IGSF10: variants seen among roughly 807,000 people sequenced by gnomAD.
The protein encoded by IGSF10 is immunoglobulin superfamily member 10.
IGSF10 carries 126 observed loss-of-function variants against 128.2 expected under a neutral mutation model. The observed-to-expected ratio is 0.98, with a 90% CI of 0.85 to 1.14. IGSF10 has a LOEUF of 1.14. IGSF10 is among the 50% of genes most tolerant of loss of function. The pLI is 0.00. For synonymous variants in IGSF10, 1,185 were observed against 1,146.2 expected, an observed-to-expected ratio of 1.03 and a Z score of -0.68; for missense variants, 3,295 against 3,149.8, an observed-to-expected ratio of 1.05 and a Z score of -1.10.
the IGSF10 span, among the ~76,000 whole-genome samples, chr3:151,609,433 T>A: frequency 6.6e-6 from 1 of 152,190 alleles, no homozygotes; most frequent in Admixed American, 6.5e-5. Flanking sequence ...GATGGTTCCC[T>A]TTGTAAGTGA....
the IGSF10 span, among the ~76,000 whole-genome samples, chr3:151,618,246 G>A: frequency 6.6e-6 from 1 of 152,026 alleles, no homozygotes. Context: ...TAACTGAAGC[G>A]CTGGCACCTT....
chr3:151,514,859 G>A, the IGSF10 span, among the ~76,000 whole-genome samples: 6 of 152,050 alleles, frequency 3.9e-5, no homozygotes, highest in East Asian at 1.9e-4. Context: ...CAAAAAACAC[G>A]TGAAAAAATG....
the IGSF10 span, among the ~76,000 whole-genome samples, chr3:151,538,491 G>C: frequency 6.6e-6 from 1 of 152,066 alleles, no homozygotes; most frequent in Non-Finnish European, 1.5e-5. Context: ...TAGAAGAAAC[G>C]TAAGACCACA....
chr3:151,606,484 A>G, the IGSF10 span, among the ~76,000 whole-genome samples: 5 of 152,212 alleles, frequency 3.3e-5, no homozygotes, highest in Non-Finnish European at 7.3e-5. Context: ...GCCTGTACCC[A>G]TATTTCTACA....
intron 5 of IGSF10, among the ~76,000 whole-genome samples, chr3:151,452,204 T>C (rs1400349995): frequency 6.6e-6 from 1 of 152,216 alleles, no homozygotes; most frequent in South Asian, 2.1e-4. Flanking sequence ...ATTTTACACA[T>C]ATAGAGTTAT....
At chr3:151,602,088 G>A in the IGSF10 span, among the ~76,000 whole-genome samples, 1 of 152,060 alleles carries the variant, frequency 6.6e-6, no homozygotes, top group South Asian at 2.1e-4. Flanking sequence ...AACAAAGCTG[G>A]AAGCAGCCTA....
At chr3:151,518,555 T>A in the IGSF10 span, among the ~76,000 whole-genome samples, 1 of 151,960 alleles carries the variant, frequency 6.6e-6, no homozygotes, top group Non-Finnish European at 1.5e-5. Context: ...ATTGCTTTAA[T>A]GCAGTAATGC....
the IGSF10 span, among the ~76,000 whole-genome samples, chr3:151,600,677 G>A: frequency 6.6e-6 from 1 of 151,998 alleles, no homozygotes; most frequent in South Asian, 2.1e-4. Flanking sequence ...AAATATTGTC[G>A]AATTGACCTC....
chr3:151,442,279 G>C (rs1428618118), intron 7 of IGSF10, among the ~76,000 whole-genome samples: 1 of 151,708 alleles, frequency 6.6e-6, no homozygotes, highest in Non-Finnish European at 1.5e-5. Flanking sequence ...ACTCAGACGA[G>C]TAAAATAACG....
the IGSF10 span, among the ~76,000 whole-genome samples, chr3:151,506,299 A>AC: frequency 4.6e-5 from 7 of 152,124 alleles, no homozygotes; most frequent in Non-Finnish European, 1.0e-4. Context: ...ATCCAGGCAT[A>AC]CAATGCTTTC....
the IGSF10 span, among the ~76,000 whole-genome samples, chr3:151,561,514 T>G: frequency 6.6e-6 from 1 of 152,188 alleles, no homozygotes. Flanking sequence ...TGCTGGTGAC[T>G]CTTTTGTAAA....
Position 151,445,919 on chromosome 3 carries a change from GTTC to G in IGSF10, c.4059_4061del (p.Lys1353del), listed in dbSNP as rs774862582. 9.3e-6 allele frequency: 15 copies of G among 1,614,154 alleles called. No individual in the cohort carries two copies. The highest frequency in any genetic ancestry group is 6.7e-5 in the East Asian group (3 of 44,880). The stretch of plus-strand genomic sequence containing the variant: ...CTGGAGAGATGTTTGGGTCAGTCCT[GTTC>G]TTCTTTTGAGGCTCCTGTTCTCTTT... On this transcript the variant is annotated inframe_deletion, in exon 6 of 8. Transcript: ENST00000282466.
At chr3:151,607,915 A>G in the IGSF10 span, among the ~76,000 whole-genome samples, 2 of 138,242 alleles carry the variant, frequency 1.4e-5, no homozygotes, top group South Asian at 4.6e-4. Flanking sequence ...CATCTCGGAA[A>G]AAAAAAAAAA....
At chr3:151,452,309 T>C (rs539405641) in intron 5 of IGSF10, among the ~76,000 whole-genome samples, 1 of 152,232 alleles carries the variant, frequency 6.6e-6, no homozygotes, top group South Asian at 2.1e-4. Flanking sequence ...CTAGATAGTA[T>C]AGCCTACTAC....
At chr3:151,594,703 T>G in the IGSF10 span, among the ~76,000 whole-genome samples, 1 of 151,664 alleles carries the variant, frequency 6.6e-6, no homozygotes, top group Non-Finnish European at 1.5e-5. Context: ...ATTTGAGTTT[T>G]AGTAGCATAG....
rs757214394 is a variant in IGSF10 at position 151,448,618 on chromosome 3, C to G, written c.1363G>C (p.Asp455His). Residue 455 changes from aspartate to histidine, a missense_variant, in exon 6 of 8, where the codon GAT (aspartate) becomes CAT (histidine). Physicochemically the swap from Asp to His is moderately conservative, Grantham distance 81 (BLOSUM62 -1). Coordinates refer to ENST00000282466, the MANE Select transcript of IGSF10 (RefSeq NM_178822.5). ...GCTCTTGGTAAAGTGATTTGAGCAT[C>G]ACTGGAGTACTGGATCTGTAATGTA... ...FSTLQIQYSS[D>H]AQITLPRAEM... 5.0e-6 allele frequency: 8 copies of G among 1,613,960 alleles called. No homozygotes were observed. The African/African-American group carries it at 1.1e-4, about 22-fold the overall frequency.
At chr3:151,522,584 A>G in the IGSF10 span, among the ~76,000 whole-genome samples, 6 of 152,200 alleles carry the variant, frequency 3.9e-5, no homozygotes, top group African/African-American at 1.4e-4. Flanking sequence ...AACTAAAAGT[A>G]AAAACCACAC....
At chr3:151,490,288 C>T in the IGSF10 span, among the ~76,000 whole-genome samples, 2 of 152,050 alleles carry the variant, frequency 1.3e-5, no homozygotes, top group Admixed American at 1.3e-4. Context: ...CAAAGAGTGT[C>T]ATTATTTAAT....
chr3:151,617,405 T>C, the IGSF10 span, among the ~76,000 whole-genome samples: 2 of 151,300 alleles, frequency 1.3e-5, no homozygotes, highest in Non-Finnish European at 2.9e-5. Flanking sequence ...TTCTTTTTTT[T>C]TTGTTGGGGG....
Sources: gnomAD v4.1 joint callset for allele counts (sites outside exome capture counted in the v4.1 genomes callset) on GRCh38, gnomAD v4.1.1 for gene constraint, MANE v1.5 for transcripts, NCBI Gene and HGNC (gene_info 2026-07-23, HGNC 2026-07-21) for gene names.